The following PIK3R4 variants were observed in gnomAD, a reference collection of about 807,000 sequenced individuals.
PIK3R4 encodes the protein phosphoinositide 3-kinase regulatory subunit 4.
A neutral mutation model predicts 136.5 loss-of-function variants in PIK3R4; 46 were observed. The observed-to-expected ratio is 0.34, with a 90% CI of 0.27 to 0.43. PIK3R4 has a LOEUF of 0.43. Ranked by LOEUF, PIK3R4 falls within the 20% of genes least tolerant of loss-of-function variation. The pLI is 1.00. For missense variants in PIK3R4, 1,331 were observed against 1,649.5 expected (o/e 0.81, Z 3.35); for synonymous variants, 557 against 566.7 (o/e 0.98, Z 0.24).
Position 130,681,529 on chromosome 3 carries a change from G to C in PIK3R4, c.3670C>G (p.Leu1224Val), listed in dbSNP as rs1254728891. 2 of 1,612,398 alleles carry C rather than the reference G, an allele frequency of 1.2e-6. No individual in the cohort carries two copies. Among genetic ancestry groups the C allele is most frequent in the African/African-American group, 1.3e-5 (1 of 74,984 alleles). Residue 1224 changes from leucine to valine, a missense_variant, in exon 17 of 20, where the codon CTC becomes GTC. By Grantham distance (32) the Leu-to-Val change is conservative. Coordinates refer to ENST00000356763, the MANE Select transcript of PIK3R4 (RefSeq NM_014602.3). ...AGTGGTGGTGCACTGCTGGCCCAGA[G>C]AGTAAATCTTCTGTCACCAGTCTCC... ...DMETGDRRFT[L>V]WASSAPPLSE... is the part of the protein sequence containing the mutation.
At chr3:130,738,910 A>G (rs1240851648) in intron 2 of PIK3R4, among the ~76,000 whole-genome samples, 1 of 152,242 alleles carries the variant, frequency 6.6e-6, no homozygotes, top group African/African-American at 2.4e-5. Flanking sequence ...CAGAATGCTG[A>G]GGTCCTACTG....
intron 7 of PIK3R4, among the ~76,000 whole-genome samples, chr3:130,721,523 A>G (rs1208581381): frequency 6.6e-6 from 1 of 152,204 alleles, no homozygotes; most frequent in Non-Finnish European, 1.5e-5. Context: ...GAATAAAAAA[A>G]ATGGTGTATA....
chr3:130,736,664 T>C (rs1045009463), intron 2 of PIK3R4, among the ~76,000 whole-genome samples: 2 of 151,134 alleles, frequency 1.3e-5, no homozygotes, highest in Admixed American at 6.6e-5. Context: ...AACAAGAAAC[T>C]TTTTTTTTCA....
At chr3:130,745,340 G>A in intron 1 of PIK3R4, 76 bp from the exon 2 acceptor site, 1 of 1,028,342 alleles carries the variant, frequency 9.7e-7, no homozygotes. Flanking sequence ...TCCATTATTT[G>A]GTCTCTTCCA....
chr3:130,714,660 T>C (rs2066652548), intron 9 of PIK3R4, among the ~76,000 whole-genome samples: 1 of 151,364 alleles, frequency 6.6e-6, no homozygotes, highest in Non-Finnish European at 1.5e-5. Flanking sequence ...TGTTCATGTG[T>C]TCTCACTGTT....
In PIK3R4 at chr3:130,708,511, A is replaced by T; in HGVS notation, c.2332-19T>A. 1 of 1,592,084 alleles carries T rather than the reference A, an allele frequency of 6.3e-7. No individual in the cohort carries two copies. Among genetic ancestry groups the T allele is most frequent in the Non-Finnish European group, 8.6e-7 (1 of 1,162,300 alleles). On this transcript the variant is annotated intron_variant, in intron 9 of 19. Transcript: ENST00000356763. ...TCATTCCCTAAAACCAAATAAAACC[A>T]TATGTTCTAGTTTATTTTCACAAAT...
At chr3:130,703,973 C>T (rs1256174043) in intron 12 of PIK3R4, 85 bp from the exon 13 acceptor site, 2 of 874,404 alleles carry the variant, frequency 2.3e-6, no homozygotes, top group Non-Finnish European at 3.6e-6. Flanking sequence ...AACCAACAAC[C>T]AGCTTGAAAA....
At position 130,723,707 on chromosome 3, in the gene PIK3R4, T is replaced by C. The variant is rs540066419; in HGVS notation, c.1808-120A>G. ...TTAATCAATTACCTAGGAAAGAACA[T>C]TGCACTTCCTACCCAGCATGATAAA... On this transcript the variant is annotated intron_variant, in intron 6 of 19. Transcript: ENST00000356763. 511 of 743,930 alleles carry C rather than the reference T, an allele frequency of 6.9e-4. 4 individuals are homozygous for C. In the South Asian group the frequency reaches 9.5e-3, roughly 14 times the overall value. The allele number at this position is 743,930 out of a possible 1,614,324, so 46.1% of individuals were successfully genotyped here. A position where few individuals can be genotyped will look rare whatever the true frequency, so the allele number is the denominator to read the frequency against.
At chr3:130,704,346 G>A (rs1220978227) in intron 12 of PIK3R4, among the ~76,000 whole-genome samples, 2 of 152,110 alleles carry the variant, frequency 1.3e-5, no homozygotes, top group Non-Finnish European at 2.9e-5. Flanking sequence ...TTAAAGTTGT[G>A]CTGGTATATC....
chr3:130,701,521 AAG>A (rs2066574648), intron 13 of PIK3R4, among the ~76,000 whole-genome samples: 2 of 151,910 alleles, frequency 1.3e-5, no homozygotes, highest in Admixed American at 1.3e-4. Flanking sequence ...AAAAAAAAAA[AAG>A]GCTAAGAATG....
At chr3:130,705,336 A>G (rs2066600612) in intron 12 of PIK3R4, among the ~76,000 whole-genome samples, 1 of 152,252 alleles carries the variant, frequency 6.6e-6, no homozygotes, top group Admixed American at 6.5e-5. Context: ...CAGATAGGCT[A>G]AATTATTACA....
intron 13 of PIK3R4, among the ~76,000 whole-genome samples, chr3:130,699,779 A>G (rs1318587622): frequency 6.6e-6 from 1 of 152,204 alleles, no homozygotes; most frequent in East Asian, 1.9e-4. Flanking sequence ...TTTTTCATTG[A>G]TAACTGCTGC....
intron 11 of PIK3R4, 73 bp from the exon 12 acceptor site, chr3:130,705,844 T>A (rs2066603526): frequency 1.2e-5 from 9 of 777,272 alleles, no homozygotes; most frequent in Non-Finnish European, 4.2e-6. Flanking sequence ...TGTATGCATG[T>A]TTTTATCTAT....
chr3:130,708,219 A>G (rs1020736183), intron 10 of PIK3R4, 72 bp downstream of exon 10: 51 of 1,158,732 alleles, frequency 4.4e-5, no homozygotes, highest in South Asian at 2.3e-4. Flanking sequence ...TTTTATTATT[A>G]ATTAGCTAAA....
intron 2 of PIK3R4, among the ~76,000 whole-genome samples, chr3:130,740,056 T>A (rs913184526): frequency 6.6e-6 from 1 of 152,138 alleles, no homozygotes; most frequent in Non-Finnish European, 1.5e-5. Context: ...ACAACAGTCA[T>A]AAAAGGTCAT....
At chr3:130,708,551 T>C in intron 9 of PIK3R4, 59 bp from the exon 10 acceptor site, 1 of 1,438,586 alleles carries the variant, frequency 7.0e-7, no homozygotes, top group Non-Finnish European at 9.6e-7. Context: ...AAAACAAGCC[T>C]CAGAATGACT....
At position 130,706,991 on chromosome 3, in the gene PIK3R4, T is replaced by C. The variant is rs1459177317; in HGVS notation, c.2678A>G (p.Glu893Gly). 1.1e-5 allele frequency: 17 copies of C among 1,612,584 alleles called. No individual in the cohort carries two copies. The highest frequency in any genetic ancestry group is 1.4e-5 in the Non-Finnish European group (17 of 1,179,464). Reference protein sequence around the residue: ...VIQTGKPPRSESSAGICVPLS... With the variant: ...VIQTGKPPRSGSSAGICVPLS... The stretch of plus-strand genomic sequence containing the variant: ...AGGGACACAAATGCCAGCAGAGGAC[T>C]CGGAACGAGGAGGTTTCCCAGTCTG... Residue 893 changes from glutamate to glycine, a missense_variant, in exon 11 of 20, where the codon GAG (glutamate) becomes GGG (glycine). Glu to Gly is a moderately conservative substitution (Grantham distance 98). Coordinates refer to ENST00000356763, the MANE Select transcript of PIK3R4 (RefSeq NM_014602.3).
At chr3:130,690,350 A>G in intron 14 of PIK3R4, 140 bp downstream of exon 14, 1 of 370,686 alleles carries the variant, frequency 2.7e-6, no homozygotes, top group Non-Finnish European at 4.7e-6. Flanking sequence ...TTATTTATTT[A>G]TTTATTTTAT....
At chr3:130,679,541 T>TC (rs2066441791) in intron 19 of PIK3R4, 56 bp from the exon 20 acceptor site, 1 of 1,298,436 alleles carries the variant, frequency 7.7e-7, no homozygotes, top group Non-Finnish European at 1.1e-6. Flanking sequence ...ACCACATTTT[T>TC]CCTCTCGTCA....
Sources: allele counts gnomAD v4.1 joint callset (sites outside exome capture counted in the v4.1 genomes callset), GRCh38; gene constraint gnomAD v4.1.1; transcripts MANE v1.5; gene names NCBI Gene and HGNC (gene_info 2026-07-23, HGNC 2026-07-21).